The following AP3B1 variants were observed in gnomAD, a reference collection of about 807,000 sequenced individuals.
AP3B1 encodes the protein AP-3 complex subunit beta-1.
Under a neutral mutation model 132.5 loss-of-function variants are expected in AP3B1, and 61 were observed. The observed-to-expected ratio is 0.46, with a 90% CI of 0.37 to 0.57. The LOEUF (loss-of-function observed/expected upper bound fraction) is 0.57. Among genes scored for constraint, AP3B1 ranks in the 20% least tolerant of loss-of-function variants. The pLI is 0.00. For missense variants in AP3B1, 1,120 were observed against 1,289.4 expected, an observed-to-expected ratio of 0.87 and a Z score of 2.01; for synonymous variants, 388 against 438.3, an observed-to-expected ratio of 0.89 and a Z score of 1.43.
intron 15 of AP3B1, 87 bp downstream of exon 15, chr5:78,141,056 G>T (rs563779150): frequency 6.4e-6 from 8 of 1,250,060 alleles, no homozygotes; most frequent in Non-Finnish European, 9.4e-6. Flanking sequence ...TGAATGGTCA[G>T]ACTAATGAAG....
intron 21 of AP3B1, among the ~76,000 whole-genome samples, chr5:78,090,431 T>G (rs1750461881): frequency 6.6e-6 from 1 of 152,252 alleles, no homozygotes. Flanking sequence ...GATCTTGTTC[T>G]ACGTCTTGGA....
intron 24 of AP3B1, among the ~76,000 whole-genome samples, chr5:78,029,618 C>T (rs1315807392): frequency 2.0e-5 from 3 of 152,084 alleles, no homozygotes; most frequent in Non-Finnish European, 4.4e-5. Context: ...ATGCTTTTTC[C>T]TCTTCCTCTT....
intron 12 of AP3B1, among the ~76,000 whole-genome samples, 178 bp downstream of exon 12, chr5:78,165,432 C>A (rs1743573176): frequency 6.6e-6 from 1 of 152,150 alleles, no homozygotes; most frequent in African/African-American, 2.4e-5. Flanking sequence ...ACTATGTTTT[C>A]CTTAAATTAT....
intron 18 of AP3B1, among the ~76,000 whole-genome samples, chr5:78,115,186 T>C (rs374150986): frequency 1.6e-4 from 24 of 152,344 alleles, no homozygotes; most frequent in African/African-American, 5.5e-4. Context: ...TGGCTTATGC[T>C]ATAAACAATG....
At chr5:78,191,313 G>A (rs1580465539) in intron 7 of AP3B1, among the ~76,000 whole-genome samples, 1 of 96,994 alleles carries the variant, frequency 1.0e-5, no homozygotes. Flanking sequence ...AGTAAATCTA[G>A]AAACCTAGAA....
chr5:78,231,233 G>A (rs1036418280), intron 3 of AP3B1, among the ~76,000 whole-genome samples: 1 of 152,096 alleles, frequency 6.6e-6, no homozygotes, highest in African/African-American at 2.4e-5. Flanking sequence ...GTGCAGTGGG[G>A]CGATCTCGCG....
intron 22 of AP3B1, among the ~76,000 whole-genome samples, chr5:78,047,692 C>T (rs1748400817): frequency 2.0e-5 from 3 of 152,186 alleles, no homozygotes; most frequent in African/African-American, 7.2e-5. Flanking sequence ...TGTAAAGCAA[C>T]ACAATGCATG....
At chr5:78,243,144 T>C (rs1747215544) in intron 2 of AP3B1, among the ~76,000 whole-genome samples, 2 of 152,346 alleles carry the variant, frequency 1.3e-5, no homozygotes. Flanking sequence ...TTGTGAAACC[T>C]GCTGAGCACT....
At chr5:78,118,057 G>A (rs1046847085) in intron 17 of AP3B1, among the ~76,000 whole-genome samples, 3 of 152,258 alleles carry the variant, frequency 2.0e-5, no homozygotes, top group Admixed American at 1.3e-4. Context: ...AGAATCACCT[G>A]AGAATAGTTT....
chr5:78,087,505 T>A (rs1375427341), intron 22 of AP3B1: 1 of 978,068 alleles, frequency 1.0e-6, no homozygotes, highest in Admixed American at 6.2e-5. Context: ...TTCCTGTCCA[T>A]ATTTTATTGT....
chr5:78,119,184 A>G (rs555401530), intron 17 of AP3B1, among the ~76,000 whole-genome samples: 2 of 152,206 alleles, frequency 1.3e-5, no homozygotes, highest in South Asian at 2.1e-4. Flanking sequence ...CCAAAAACCC[A>G]TCTGTACATC....
intron 26 of AP3B1, among the ~76,000 whole-genome samples, chr5:78,011,437 A>G (rs1746623559): frequency 1.3e-5 from 2 of 152,230 alleles, no homozygotes; most frequent in Admixed American, 1.3e-4. Context: ...GAGTCTCTCA[A>G]TAGTATACTG....
At chr5:78,041,274 CAAA>C (rs200136009) in intron 22 of AP3B1, among the ~76,000 whole-genome samples, 1 of 116,250 alleles carries the variant, frequency 8.6e-6, no homozygotes, top group African/African-American at 3.2e-5. Context: ...AACTCCGTCT[CAAA>C]AAAAAAAAAA....
chr5:78,012,684 C>G (rs1746667859), intron 26 of AP3B1, among the ~76,000 whole-genome samples: 1 of 152,192 alleles, frequency 6.6e-6, no homozygotes, highest in African/African-American at 2.4e-5. Flanking sequence ...GGTTACAGAG[C>G]CAAACACCAG....
chr5:78,165,520 A>C, intron 12 of AP3B1, 90 bp downstream of exon 12: 1 of 903,888 alleles, frequency 1.1e-6, no homozygotes, highest in Non-Finnish European at 1.8e-6. Context: ...TTTTATGTAC[A>C]TAATTACATA....
intron 1 of AP3B1, among the ~76,000 whole-genome samples, chr5:78,293,116 C>T (rs1011785334): frequency 6.6e-6 from 1 of 152,104 alleles, no homozygotes; most frequent in African/African-American, 2.4e-5. Context: ...TGGCCTCAAG[C>T]GATCCGCCCA....
At chr5:78,270,473 C>CA (rs1279260997) in intron 1 of AP3B1, among the ~76,000 whole-genome samples, 1 of 151,830 alleles carries the variant, frequency 6.6e-6, no homozygotes, top group Admixed American at 6.6e-5. Flanking sequence ...GATACATGCC[C>CA]AAAAAAGGAT....
chr5:78,176,889 A>C (rs1327040908), intron 9 of AP3B1, among the ~76,000 whole-genome samples: 1 of 152,216 alleles, frequency 6.6e-6, no homozygotes, highest in East Asian at 1.9e-4. Context: ...CCAGCTTTAT[A>C]GGAAGCACAA....
In AP3B1 at chr5:78,291,039, C is replaced by G. The variant is rs11749937; in HGVS notation, c.128+3413G>C. Among the ~76,000 whole-genome samples, 1,098 of 152,014 alleles carry G rather than the reference C, an allele frequency of 7.2e-3. 12 individuals are homozygous for G. Among genetic ancestry groups the G allele is most frequent in the African/African-American group, 0.025 (1,038 of 41,472 alleles). ...TGAAGCCAATAATCTAATACACAGG[C>G]CTTTTTAGCCAATAAATTAGGTATA... is the stretch of plus-strand genomic sequence containing the variant. On this transcript the variant is annotated intron_variant, in intron 1 of 26. Coordinates refer to ENST00000255194, the MANE Select transcript of AP3B1 (RefSeq NM_003664.5).
Sources: allele counts gnomAD v4.1 joint callset (sites outside exome capture counted in the v4.1 genomes callset), GRCh38; gene constraint gnomAD v4.1.1; transcripts MANE v1.5; gene names NCBI Gene and HGNC (gene_info 2026-07-23, HGNC 2026-07-21).